The following CORIN variants were observed in gnomAD, a reference collection of about 807,000 sequenced individuals.
The protein encoded by CORIN is corin, serine peptidase.
In CORIN, 117 loss-of-function variants were observed where a neutral mutation model predicts 125.3. The ratio of observed to expected loss-of-function variants is 0.93; its 90% CI spans 0.80 to 1.09. The LOEUF (loss-of-function observed/expected upper bound fraction) is 1.09. Among genes scored for constraint, CORIN ranks in the 50% least tolerant of loss-of-function variants. CORIN has a pLI of 0.00. For missense variants in CORIN, 1,253 were observed against 1,306.7 expected (o/e 0.96, Z 0.63); for synonymous variants, 450 against 466.4 (o/e 0.96, Z 0.45).
chr4:47,760,718 T>C (rs1360546437), intron 4 of CORIN, among the ~76,000 whole-genome samples: 1 of 152,360 alleles, frequency 6.6e-6, no homozygotes, highest in South Asian at 2.1e-4. Context: ...CTGACTTCTC[T>C]TCTCTAGCTA....
At chr4:47,780,911 T>C (rs1464074613) in intron 3 of CORIN, among the ~76,000 whole-genome samples, 1 of 151,358 alleles carries the variant, frequency 6.6e-6, no homozygotes, top group Non-Finnish European at 1.5e-5. Flanking sequence ...TCCTTTGAGA[T>C]TTTATATATA....
chr4:47,780,580 G>A (rs1730494730), intron 3 of CORIN, among the ~76,000 whole-genome samples: 1 of 151,456 alleles, frequency 6.6e-6, no homozygotes, highest in Admixed American at 6.6e-5. Context: ...AAAACACTGG[G>A]AAAAAAAACT....
intron 16 of CORIN, among the ~76,000 whole-genome samples, chr4:47,638,570 G>A (rs764468978): frequency 1.3e-5 from 2 of 152,136 alleles, no homozygotes; most frequent in Non-Finnish European, 2.9e-5. Flanking sequence ...TTTAAAAATG[G>A]GAGTTTCCCC....
intron 10 of CORIN, among the ~76,000 whole-genome samples, chr4:47,673,810 G>A (rs1199918459): frequency 6.6e-6 from 1 of 152,174 alleles, no homozygotes; most frequent in Non-Finnish European, 1.5e-5. Flanking sequence ...CACTTTGGGA[G>A]GCCCAGGCAG....
intron 6 of CORIN, among the ~76,000 whole-genome samples, chr4:47,691,885 G>T (rs1486297891): frequency 2.6e-5 from 4 of 152,208 alleles, no homozygotes; most frequent in African/African-American, 9.6e-5. Context: ...TCAGATGAAA[G>T]ATGAGTTGGT....
intron 9 of CORIN, among the ~76,000 whole-genome samples, chr4:47,677,525 G>C (rs1002809802): frequency 6.6e-6 from 1 of 152,132 alleles, no homozygotes; most frequent in South Asian, 2.1e-4. Flanking sequence ...AAAGTGTATT[G>C]CTCGGTAATA....
intron 5 of CORIN, among the ~76,000 whole-genome samples, chr4:47,696,831 C>A (rs61761814): frequency 5.3e-5 from 8 of 152,202 alleles, no homozygotes; most frequent in Non-Finnish European, 8.8e-5. Flanking sequence ...TTCCTAGGCT[C>A]TCTCTGTCTG....
rs1342764853 is a variant in CORIN, at chr4:47,755,980, G to A, written c.617+7399C>T. ...GAGCACCTGCTATGTGTTGGGCAGTGTTCTGAACAATGGGTATACAATGAT... is the reference window on the plus strand; with the variant it reads ...GAGCACCTGCTATGTGTTGGGCAGTATTCTGAACAATGGGTATACAATGAT... On this transcript the variant is annotated intron_variant, in intron 4 of 21. Coordinates refer to ENST00000273857, the MANE Select transcript of CORIN (RefSeq NM_006587.4). Among the ~76,000 whole-genome samples the A allele has an allele frequency of 2.0e-5, 3 of 152,180 alleles. No individual in the cohort carries two copies. The East Asian group carries it at 5.8e-4, about 29-fold the overall frequency.
Position 47,786,905 on chromosome 4 carries a change from A to T in CORIN, c.229T>A (p.Phe77Ile), listed in dbSNP as rs1242952261. Reference protein sequence around the residue: ...SYVGTLQKVYFKSNGSEPLVT... With the variant: ...SYVGTLQKVYIKSNGSEPLVT... ...AAAGGTTCACTCCCATTTGATTTAA[A>T]ATAGACCTTTTGTAATGTTCCTGAA... The change falls in exon 3 of 22, where the codon TTT (phenylalanine) becomes ATT (isoleucine). Residue 77 changes from phenylalanine (F) to isoleucine (I), a missense_variant. Transcript: ENST00000273857. 1 of 1,612,820 alleles carries T rather than the reference A, an allele frequency of 6.2e-7. No homozygotes were observed. Among genetic ancestry groups the T allele is most frequent in the East Asian group, 2.2e-5 (1 of 44,878 alleles).
At chr4:47,682,546 G>A (rs1725340236) in intron 7 of CORIN, 1 of 151,714 alleles carries the variant, frequency 6.6e-6, no homozygotes, top group Non-Finnish European at 1.5e-5. Context: ...TATAGCACTG[G>A]ATGGTGACTA....
At chr4:47,807,592 A>G (rs1401745642) in intron 1 of CORIN, among the ~76,000 whole-genome samples, 4 of 152,200 alleles carry the variant, frequency 2.6e-5, no homozygotes, top group African/African-American at 7.2e-5. Context: ...AAGTTGAAAT[A>G]TAAGGAGGAG....
chr4:47,755,654 T>C (rs1419992093), intron 4 of CORIN, among the ~76,000 whole-genome samples: 1 of 152,166 alleles, frequency 6.6e-6, no homozygotes, highest in Non-Finnish European at 1.5e-5. Flanking sequence ...TAATTTAGTA[T>C]CTGTTAGCTG....
At chr4:47,603,198 C>A (rs1721514712) in intron 20 of CORIN, among the ~76,000 whole-genome samples, 199 bp downstream of exon 20, 1 of 152,086 alleles carries the variant, frequency 6.6e-6, no homozygotes, top group Non-Finnish European at 1.5e-5. Context: ...GCTTTTCCCC[C>A]TTTTGCTCAG....
intron 19 of CORIN, among the ~76,000 whole-genome samples, chr4:47,611,160 C>CATTGAATCTATAAATTACT (rs1721852841): frequency 6.6e-6 from 1 of 152,154 alleles, no homozygotes; most frequent in Non-Finnish European, 1.5e-5. Flanking sequence ...ATGGAAATAG[C>CATTGAATCTATAAATTACT]ATTGAATCTA....
chr4:47,659,001 C>G (rs929172430), intron 12 of CORIN, among the ~76,000 whole-genome samples: 1 of 152,184 alleles, frequency 6.6e-6, no homozygotes, highest in African/African-American at 2.4e-5. Context: ...TCATCAGATA[C>G]CCTAAATTTT....
chr4:47,837,888 G>GA lies in CORIN; in HGVS notation c.61_62insT (p.Pro21LeufsTer6). 6.2e-7 allele frequency: 1 copy of GA among 1,613,540 alleles called. No individual in the cohort carries two copies. The highest frequency in any genetic ancestry group is 1.1e-5 in the South Asian group (1 of 91,070). On this transcript the variant is annotated frameshift_variant and splice_region_variant, in exon 1 of 22. Transcript: ENST00000273857. LOFTEE classifies it high-confidence loss of function. The stretch of plus-strand genomic sequence containing the variant: ...AGGACAGCGAATCATCGATCTTACC[G>GA]GCTTTGGGGACCCGGCTCTGCGGCA...
At chr4:47,711,154 T>C (rs928600888) in intron 5 of CORIN, among the ~76,000 whole-genome samples, 1 of 152,116 alleles carries the variant, frequency 6.6e-6, no homozygotes, top group Non-Finnish European at 1.5e-5. Flanking sequence ...GACCCCTTGA[T>C]CACTGTACCC....
At chr4:47,717,952 C>T (rs1727177027) in intron 5 of CORIN, among the ~76,000 whole-genome samples, 1 of 152,006 alleles carries the variant, frequency 6.6e-6, no homozygotes, top group African/African-American at 2.4e-5. Context: ...AAGTGATAAA[C>T]TGGCAACGAG....
chr4:47,733,839 CCTT>C (rs540186579), intron 5 of CORIN, among the ~76,000 whole-genome samples: 82 of 152,272 alleles, frequency 5.4e-4, no homozygotes, highest in African/African-American at 1.9e-3. Flanking sequence ...AACTGTGTGT[CCTT>C]CTATATGGGA....
Sources: gnomAD v4.1 joint callset for allele counts (sites outside exome capture counted in the v4.1 genomes callset) on GRCh38, gnomAD v4.1.1 for gene constraint, MANE v1.5 for transcripts, NCBI Gene and HGNC (gene_info 2026-07-23, HGNC 2026-07-21) for gene names.